Variants in PPP2R5C observed in about 807,000 individuals in gnomAD.
The protein encoded by PPP2R5C is serine/threonine-protein phosphatase 2A 56 kDa regulatory subunit gamma isoform.
Under a neutral mutation model 68.9 loss-of-function variants are expected in PPP2R5C, and 7 were observed. That is an observed-to-expected ratio of 0.10 (90% CI 0.06 to 0.19). The LOEUF (loss-of-function observed/expected upper bound fraction) is 0.19, where lower values mean the gene tolerates loss of function less well. PPP2R5C is among the 10% of genes least tolerant of loss of function. The pLI, the probability that PPP2R5C is intolerant of heterozygous loss-of-function variation, is 1.00. For synonymous variants in PPP2R5C, 210 were observed against 222.2 expected, an observed-to-expected ratio of 0.95 and a Z score of 0.49; for missense variants, 348 against 641.3, an observed-to-expected ratio of 0.54 and a Z score of 4.94.
chr14:101,907,331 T>A (rs1268406729), intron 10 of PPP2R5C, among the ~76,000 whole-genome samples: 1 of 151,876 alleles, frequency 6.6e-6, no homozygotes, highest in Non-Finnish European at 1.5e-5. Context: ...CCGCTACGCC[T>A]GGCTAATTTT....
Position 101,877,687 on chromosome 14 carries a change from T to C in PPP2R5C, c.295-4474T>C, listed in dbSNP as rs1342465644. Among the ~76,000 whole-genome samples, 1 of 152,164 alleles carries C rather than the reference T, an allele frequency of 6.6e-6. No individual in the cohort carries two copies. The highest frequency in any genetic ancestry group is 1.5e-5 in the Non-Finnish European group (1 of 68,024). The stretch of plus-strand genomic sequence containing the variant: ...GCTAGGTCAGAAACCCAAGAAGAAT[T>C]TGAGGTGATAGACCGTTGGCCCTCT... On this transcript the variant is annotated intron_variant, in intron 2 of 13. Coordinates refer to ENST00000334743, the Ensembl canonical transcript of PPP2R5C. The surrounding 1 kb of genome is among the most constrained non-coding windows in gnomAD (Gnocchi z 4.2).
At chr14:101,892,467 C>T (rs1048911245) in intron 6 of PPP2R5C, among the ~76,000 whole-genome samples, 3 of 152,188 alleles carry the variant, frequency 2.0e-5, no homozygotes, top group Admixed American at 6.5e-5. Flanking sequence ...CCAGGAGCTC[C>T]TGCTGTTGAG....
At chr14:101,911,596 A>G (rs1383176225) in intron 11 of PPP2R5C, among the ~76,000 whole-genome samples, 1 of 151,990 alleles carries the variant, frequency 6.6e-6, no homozygotes, top group Admixed American at 6.6e-5. Context: ...AAAAACTTGG[A>G]TCCTGGCCGG....
chr14:101,890,155 C>A, intron 5 of PPP2R5C, 82 bp from the exon 8 acceptor site: 1 of 1,276,122 alleles, frequency 7.8e-7, no homozygotes, highest in Non-Finnish European at 1.1e-6. Context: ...TGTTGCCTGG[C>A]TCCATGGCTC....
At chr14:101,846,197 G>A (rs571034906) in intron 1 of PPP2R5C, among the ~76,000 whole-genome samples, 1 of 152,202 alleles carries the variant, frequency 6.6e-6, no homozygotes, top group Non-Finnish European at 1.5e-5. Context: ...AGACAGACCC[G>A]GAGGGAGGCG....
intron 8 of PPP2R5C, among the ~76,000 whole-genome samples, chr14:101,900,686 T>C (rs1484197825): frequency 6.6e-6 from 1 of 152,242 alleles, no homozygotes; most frequent in African/African-American, 2.4e-5. Context: ...TGGTAAGACA[T>C]TTGGAAACTA....
At chr14:101,812,012 C>G (rs941387512) in intron 1 of PPP2R5C, among the ~76,000 whole-genome samples, 13 of 152,146 alleles carry the variant, frequency 8.5e-5, no homozygotes, top group Admixed American at 2.0e-4. Flanking sequence ...GAAGGGATAA[C>G]TTTGGAGACC....
intron 1 of PPP2R5C, among the ~76,000 whole-genome samples, chr14:101,850,803 T>C (rs1170866119): frequency 6.6e-6 from 1 of 152,174 alleles, no homozygotes; most frequent in Non-Finnish European, 1.5e-5. Context: ...ATATTATCTT[T>C]AAAAACAAAA....
At chr14:101,876,523 A>G (rs537587718) in intron 2 of PPP2R5C, among the ~76,000 whole-genome samples, 27 of 152,338 alleles carry the variant, frequency 1.8e-4, no homozygotes, top group African/African-American at 6.5e-4. Context: ...ATGATAACAC[A>G]TACAGAAAGG....
chr14:101,804,822 C>A (rs2039011913), intron 3 of PPP2R5C, among the ~76,000 whole-genome samples: 1 of 152,044 alleles, frequency 6.6e-6, no homozygotes, highest in Non-Finnish European at 1.5e-5. Flanking sequence ...CTATAGTCAA[C>A]AATAACTTAA....
intron 1 of PPP2R5C, among the ~76,000 whole-genome samples, chr14:101,816,928 A>T (rs2039747746): frequency 7.4e-6 from 1 of 135,380 alleles, no homozygotes; most frequent in Non-Finnish European, 1.5e-5. Flanking sequence ...TATTTATATA[A>T]TATATATAAT....
intron 1 of PPP2R5C, among the ~76,000 whole-genome samples, chr14:101,834,773 A>C (rs568492229): frequency 4.1e-4 from 58 of 140,142 alleles, no homozygotes; most frequent in Non-Finnish European, 8.2e-4. Context: ...ATCAGAAATC[A>C]ACTCTAATTG....
intron 1 of PPP2R5C, among the ~76,000 whole-genome samples, chr14:101,850,615 G>A (rs982448404): frequency 6.6e-6 from 1 of 152,150 alleles, no homozygotes; most frequent in South Asian, 2.1e-4. Flanking sequence ...GGAGGGACCA[G>A]GTGCAGGAAT....
At chr14:101,785,984 A>G in intron 2 of PPP2R5C, 34 bp from the exon 3 acceptor site, 2 of 1,507,874 alleles carry the variant, frequency 1.3e-6, no homozygotes, top group Non-Finnish European at 1.8e-6. Context: ...CAACCATTGT[A>G]CATATTCATT....
At chr14:101,760,994 G>T (rs867088970), upstream of PPP2R5C, among the ~76,000 whole-genome samples, 26 of 119,772 alleles carry the variant, frequency 2.2e-4, no homozygotes, top group African/African-American at 8.0e-4. Flanking sequence ...GCAGGGGACG[G>T]GCTGGTCGAG....
intron 1 of PPP2R5C, among the ~76,000 whole-genome samples, chr14:101,849,960 G>A (rs185038537): frequency 5.9e-5 from 9 of 152,310 alleles, no homozygotes; most frequent in Admixed American, 2.0e-4. Context: ...GTCTTGGTTA[G>A]TCTTAACCCC....
chr14:101,926,437 C>T (rs1459678857), exon 14 of PPP2R5C: 2 of 152,642 alleles, frequency 1.3e-5, no homozygotes, highest in African/African-American at 4.8e-5. Flanking sequence ...GCTATATATT[C>T]CACAGAGTTC....
At chr14:101,831,835 A>C in intron 1 of PPP2R5C, 1 of 689,800 alleles carries the variant, frequency 1.4e-6, no homozygotes, top group Non-Finnish European at 2.7e-6. Context: ...AGCAATCCCC[A>C]ACATGGACCA....
chr14:101,896,165 G>A (rs1165140822), intron 8 of PPP2R5C, among the ~76,000 whole-genome samples: 2 of 151,884 alleles, frequency 1.3e-5, no homozygotes, highest in Non-Finnish European at 2.9e-5. Flanking sequence ...GATTACAGGT[G>A]CCTGCCACCA....
Sources: allele counts gnomAD v4.1 joint callset (sites outside exome capture counted in the v4.1 genomes callset), GRCh38; gene constraint gnomAD v4.1.1; non-coding constraint Gnocchi (gnomAD v3.1); transcripts MANE v1.5; gene names NCBI Gene and HGNC (gene_info 2026-07-23, HGNC 2026-07-21).